The following RBFOX1 variants were observed in gnomAD, a reference collection of about 807,000 sequenced individuals.
The protein encoded by RBFOX1 is RNA binding protein fox-1 homolog 1.
RBFOX1 carries 8 observed loss-of-function variants against 57.7 expected under a neutral mutation model. That is an observed-to-expected ratio of 0.14 (90% CI 0.08 to 0.25). The LOEUF (loss-of-function observed/expected upper bound fraction) is 0.25, where lower values mean the gene tolerates loss of function less well. Ranked by LOEUF, RBFOX1 falls within the 10% of genes least tolerant of loss-of-function variation. The pLI is 1.00. For synonymous variants in RBFOX1, 326 were observed against 222.4 expected (o/e 1.47, Z -4.15); for missense variants, 611 against 548.5 (o/e 1.11, Z -1.14).
chr16:6,212,531 C>A (rs901872222), intron 1 of RBFOX1, among the ~76,000 whole-genome samples: 1 of 152,018 alleles, frequency 6.6e-6, no homozygotes. Flanking sequence ...TATGGTGAAA[C>A]CCTGTCTCTA....
chr16:7,243,693 T>G (rs1461812003), intron 4 of RBFOX1, among the ~76,000 whole-genome samples: 1 of 152,050 alleles, frequency 6.6e-6, no homozygotes, highest in Non-Finnish European at 1.5e-5. Flanking sequence ...GTTACAGGCG[T>G]GCATCATCAC....
At chr16:6,373,917 TTCA>T (rs1166513902) in intron 2 of RBFOX1, among the ~76,000 whole-genome samples, 1 of 152,230 alleles carries the variant, frequency 6.6e-6, no homozygotes, top group African/African-American at 2.4e-5. Flanking sequence ...TAGGTGTTCA[TTCA>T]GTATCTATTG....
intron 6 of RBFOX1, among the ~76,000 whole-genome samples, chr16:7,580,433 A>G (rs2093667774): frequency 1.3e-5 from 2 of 152,264 alleles, no homozygotes; most frequent in African/African-American, 4.8e-5. Context: ...TTTAGCAAAC[A>G]AAACAAAACC....
chr16:7,254,954 A>T (rs569464518), intron 4 of RBFOX1, among the ~76,000 whole-genome samples: 1 of 152,132 alleles, frequency 6.6e-6, no homozygotes, highest in Non-Finnish European at 1.5e-5. Flanking sequence ...TAATGGCTCA[A>T]CCGTTAATAA....
At chr16:7,666,120 C>G (rs140702373) in intron 13 of RBFOX1, among the ~76,000 whole-genome samples, 87 of 152,116 alleles carry the variant, frequency 5.7e-4, no homozygotes, top group African/African-American at 1.9e-3. Context: ...TTTTTTCAGA[C>G]TTTCAGATTT....
intron 3 of RBFOX1, among the ~76,000 whole-genome samples, chr16:7,012,429 G>C (rs779339746): frequency 3.9e-5 from 6 of 152,266 alleles, no homozygotes; most frequent in Middle Eastern, 6.8e-3. Context: ...GTGTGTCATA[G>C]GCAAGGAGCC....
intron 4 of RBFOX1, among the ~76,000 whole-genome samples, chr16:5,912,687 T>A (rs1174225201): frequency 6.6e-6 from 1 of 152,212 alleles, no homozygotes; most frequent in African/African-American, 2.4e-5. Flanking sequence ...GTGCAGTAAT[T>A]TAAGCATGAC....
chr16:5,973,123 T>G (rs1430430548), intron 4 of RBFOX1, among the ~76,000 whole-genome samples: 1 of 152,154 alleles, frequency 6.6e-6, no homozygotes, highest in South Asian at 2.1e-4. Context: ...AAAATAATAT[T>G]CTATTCTACC....
At chr16:7,155,712 A>AAAAAATATATATATAT (rs1195367029) in intron 4 of RBFOX1, among the ~76,000 whole-genome samples, 1 of 77,420 alleles carries the variant, frequency 1.3e-5, no homozygotes, top group African/African-American at 6.7e-5. Context: ...AAAAAAAAAA[A>AAAAAATATATATATAT]ATATATATAT....
chr16:5,260,271 C>T (rs1383666859), intron 1 of RBFOX1, among the ~76,000 whole-genome samples: 1 of 151,958 alleles, frequency 6.6e-6, no homozygotes, highest in Admixed American at 6.6e-5. Flanking sequence ...TTAATGAATA[C>T]AGAAAAGTAC....
intron 3 of RBFOX1, among the ~76,000 whole-genome samples, chr16:7,030,610 C>G (rs554392198): frequency 6.6e-6 from 1 of 152,274 alleles, no homozygotes; most frequent in African/African-American, 2.4e-5. Flanking sequence ...CGTATGTGGA[C>G]ACTCCCTTTG....
At chr16:7,399,851 G>A (rs1357621495) in intron 4 of RBFOX1, among the ~76,000 whole-genome samples, 1 of 152,170 alleles carries the variant, frequency 6.6e-6, no homozygotes, top group Non-Finnish European at 1.5e-5. Context: ...TCAATCTACT[G>A]CCATTTTATT....
intron 3 of RBFOX1, among the ~76,000 whole-genome samples, chr16:6,971,936 G>A (rs1228853795): frequency 6.6e-6 from 1 of 152,146 alleles, no homozygotes; most frequent in Non-Finnish European, 1.5e-5. Flanking sequence ...GGACCGACTT[G>A]AGATGCGGGA....
Position 6,113,567 on chromosome 16 carries a change from G to A in RBFOX1, c.-127+93575G>A, listed in dbSNP as rs1267532249. Among the ~76,000 whole-genome samples the A allele has an allele frequency of 3.3e-5, 5 of 152,318 alleles. No individual in the cohort carries two copies. The East Asian group carries it at 7.7e-4, about 24-fold the overall frequency. On this transcript the variant is annotated intron_variant, in intron 1 of 15. Transcript: ENST00000550418. The stretch of plus-strand genomic sequence containing the variant: ...CAGAGACACAGCTCTTGAAGCAAAG[G>A]CAGAAATTGCCTGTCTCCGCATTTG...
At chr16:7,706,742 T>TTAACAGATTTTTCTCTGGA (rs2082578501) in intron 14 of RBFOX1, among the ~76,000 whole-genome samples, 1 of 152,154 alleles carries the variant, frequency 6.6e-6, no homozygotes. Context: ...AATAACCCTA[T>TTAACAGATTTTTCTCTGGA]TAACAGATTT....
intron 4 of RBFOX1, among the ~76,000 whole-genome samples, chr16:5,894,578 A>G (rs1393166146): frequency 6.6e-6 from 1 of 152,134 alleles, no homozygotes; most frequent in African/African-American, 2.4e-5. Flanking sequence ...CCCTGTTACT[A>G]AAAACATTTT....
intron 2 of RBFOX1, among the ~76,000 whole-genome samples, chr16:6,524,000 A>G (rs2096544374): frequency 6.6e-6 from 1 of 152,208 alleles, no homozygotes; most frequent in Non-Finnish European, 1.5e-5. Flanking sequence ...CCTTTGTGGT[A>G]TAAATAAATC....
intron 2 of RBFOX1, among the ~76,000 whole-genome samples, chr16:6,354,166 G>T (rs1218976066): frequency 6.6e-6 from 1 of 152,078 alleles, no homozygotes; most frequent in African/African-American, 2.4e-5. Flanking sequence ...GTTGGAGTGA[G>T]CCGAGATCAT....
chr16:6,692,711 T>C (rs2060383485), intron 3 of RBFOX1, among the ~76,000 whole-genome samples: 1 of 152,092 alleles, frequency 6.6e-6, no homozygotes, highest in Non-Finnish European at 1.5e-5. Flanking sequence ...GCCTACTATA[T>C]ACTCCAAGTC....
Sources: allele counts gnomAD v4.1 joint callset (sites outside exome capture counted in the v4.1 genomes callset), GRCh38; gene constraint gnomAD v4.1.1; transcripts MANE v1.5; gene names NCBI Gene and HGNC (gene_info 2026-07-23, HGNC 2026-07-21).